The following TMPRSS15 variants were observed in gnomAD, a reference collection of about 807,000 sequenced individuals.
The protein encoded by TMPRSS15 is enteropeptidase.
A neutral mutation model predicts 125.3 loss-of-function variants in TMPRSS15; 128 were observed. The observed-to-expected ratio is 1.02, with a 90% confidence interval of 0.89 to 1.18. The LOEUF is 1.18. TMPRSS15 is among the 50% of genes most tolerant of loss of function. The pLI is 0.00. For missense variants in TMPRSS15, 1,283 were observed against 1,212.7 expected (o/e 1.06, Z -0.86); for synonymous variants, 446 against 423.2 (o/e 1.05, Z -0.66).
At position 18,294,258 on chromosome 21, in the gene TMPRSS15, C is replaced by T; in HGVS notation, c.2486+12G>A. ...ACCTAGTTTGGGAAGGGACACTTGA[C>T]ATCACACTCACCCATACACGCAGTG... On this transcript the variant is annotated intron_variant, in intron 21 of 24. Transcript: ENST00000284885. The T allele has an allele frequency of 3.1e-6, 5 of 1,613,996 alleles. No individual in the cohort carries two copies. The highest frequency in any genetic ancestry group is 4.2e-6 in the Non-Finnish European group (5 of 1,180,048).
intron 1 of TMPRSS15, among the ~76,000 whole-genome samples, chr21:18,457,022 G>T (rs1319638741): frequency 3.9e-5 from 6 of 152,030 alleles, no homozygotes; most frequent in African/African-American, 1.4e-4. Flanking sequence ...TCTGTTATTA[G>T]ACAGAGAGAC....
rs2074529405 is a variant in TMPRSS15 at position 18,269,599 on chromosome 21, CT to C, written c.*369del. ...TACTTTGGGAAAAACAATTTATTTT[CT>C]TTCTTTTTTAAATTCTGCTCAAATT... On this transcript the variant is annotated 3_prime_UTR_variant, in exon 25 of 25. Coordinates refer to ENST00000284885, the MANE Select transcript of TMPRSS15 (RefSeq NM_002772.3). 2 of 159,708 alleles carry C rather than the reference CT, an allele frequency of 1.3e-5. No homozygotes were observed. Among genetic ancestry groups the C allele is most frequent in the South Asian group, 3.5e-4 (2 of 5,756 alleles). 9.9% of individuals were successfully genotyped at this position (159,708 alleles called of 1,614,324 possible). A position where few individuals can be genotyped will look rare whatever the true frequency, so the allele number is the denominator to read the frequency against.
chr21:18,468,040 A>C (rs1978702720), intron 1 of TMPRSS15, among the ~76,000 whole-genome samples: 1 of 152,144 alleles, frequency 6.6e-6, no homozygotes, highest in Non-Finnish European at 1.5e-5. Context: ...TGAAAAGACC[A>C]TATTTACATA....
chr21:18,384,657 A>C (rs1450681161), intron 3 of TMPRSS15, among the ~76,000 whole-genome samples: 3 of 152,144 alleles, frequency 2.0e-5, no homozygotes, highest in Non-Finnish European at 4.4e-5. Flanking sequence ...TTGGGAGACA[A>C]ACTATAGCTC....
At chr21:18,382,855 T>C (rs545791282) in intron 4 of TMPRSS15, among the ~76,000 whole-genome samples, 1 of 152,326 alleles carries the variant, frequency 6.6e-6, no homozygotes, top group South Asian at 2.1e-4. Flanking sequence ...ATAATTAGAA[T>C]GGAAAATTTG....
chr21:18,406,292 T>A (rs1462373189), upstream of TMPRSS15, among the ~76,000 whole-genome samples: 2 of 152,158 alleles, frequency 1.3e-5, no homozygotes, highest in Non-Finnish European at 2.9e-5. Context: ...AAAGCCATGC[T>A]CATTGGTTGA....
chr21:18,467,986 T>C (rs1568735605), intron 1 of TMPRSS15, among the ~76,000 whole-genome samples: 1 of 151,854 alleles, frequency 6.6e-6, no homozygotes, highest in South Asian at 2.1e-4. Context: ...AGAGAGACAG[T>C]GGAGGTAAAG....
chr21:18,300,334 C>A (rs1601297054), intron 18 of TMPRSS15, among the ~76,000 whole-genome samples: 1 of 138,842 alleles, frequency 7.2e-6, no homozygotes, highest in East Asian at 2.1e-4. Flanking sequence ...TTCCTTCTTG[C>A]CTTCCTGCCT....
At chr21:18,383,805 GAA>G (rs1320151843) in intron 3 of TMPRSS15, 27 bp from the exon 4 acceptor site, 1 of 1,607,926 alleles carries the variant, frequency 6.2e-7, no homozygotes, top group Non-Finnish European at 8.5e-7. Flanking sequence ...GATATAAGAG[GAA>G]AAAGTCAGCC....
At chr21:18,350,862 C>G (rs2147002305) in intron 10 of TMPRSS15, among the ~76,000 whole-genome samples, 1 of 151,830 alleles carries the variant, frequency 6.6e-6, no homozygotes, top group South Asian at 2.1e-4. Context: ...TTCTGAATGA[C>G]TTGAATAAGG....
At position 18,295,598 on chromosome 21, in the gene TMPRSS15, A is replaced by G. The variant is rs7280630; in HGVS notation, c.2262-946T>C. ...TCTAATCAAAGCAATTCAGTGTTTC[A>G]GGAAAATATATGATAAAGTTTATTT... On this transcript the variant is annotated intron_variant, in intron 19 of 24. Coordinates refer to ENST00000284885, the MANE Select transcript of TMPRSS15 (RefSeq NM_002772.3). Among the ~76,000 whole-genome samples the G allele has an allele frequency of 6.2e-3, 946 of 152,344 alleles. 8 individuals are homozygous for G. The highest frequency in any genetic ancestry group is 0.021 in the African/African-American group (878 of 41,572).
rs147272839 is a variant in TMPRSS15, at chr21:18,284,977, G to T, written c.2487-3756C>A. ...ATTTGTGCCATTGCACTCCAGCCTGGGTGACAAGAGCAAAACTCTGCCCAA... is the reference window on the plus strand; with the variant it reads ...ATTTGTGCCATTGCACTCCAGCCTGTGTGACAAGAGCAAAACTCTGCCCAA... On this transcript the variant is annotated intron_variant, in intron 21 of 24. Transcript: ENST00000284885. Among the ~76,000 whole-genome samples the T allele has an allele frequency of 3.3e-5, 5 of 150,002 alleles. No homozygotes were observed. In the East Asian group the frequency reaches 9.9e-4, roughly 30 times the overall value.
chr21:18,465,571 T>C (rs1055672126), intron 1 of TMPRSS15, among the ~76,000 whole-genome samples: 1 of 152,174 alleles, frequency 6.6e-6, no homozygotes, highest in Non-Finnish European at 1.5e-5. Flanking sequence ...AGTCTCAGGA[T>C]ACAAAATCTA....
intron 3 of TMPRSS15, among the ~76,000 whole-genome samples, chr21:18,394,275 G>A (rs2076014393): frequency 6.6e-6 from 1 of 151,854 alleles, no homozygotes; most frequent in Admixed American, 6.6e-5. Context: ...AGAATTTTAG[G>A]GATATTAACC....
chr21:18,276,755 C>CTTT (rs372920414), intron 23 of TMPRSS15, among the ~76,000 whole-genome samples: 28 of 121,334 alleles, frequency 2.3e-4, no homozygotes, highest in East Asian at 5.1e-4. Context: ...AACTGGGATT[C>CTTT]TTTTTTTTTT....
intron 3 of TMPRSS15, 118 bp from the exon 4 acceptor site, chr21:18,383,896 A>G (rs2075917832): frequency 8.2e-7 from 1 of 1,216,854 alleles, no homozygotes; most frequent in African/African-American, 1.5e-5. Flanking sequence ...AATTCTCATT[A>G]TACCTGTGTA....
At chr21:18,283,690 T>C (rs1409675966) in intron 21 of TMPRSS15, among the ~76,000 whole-genome samples, 2 of 152,150 alleles carry the variant, frequency 1.3e-5, no homozygotes, top group African/African-American at 4.8e-5. Flanking sequence ...AGGTGTTTTA[T>C]ACATATTTTA....
At chr21:18,355,985 T>G (rs761799734) in intron 8 of TMPRSS15, among the ~76,000 whole-genome samples, 6 of 151,808 alleles carry the variant, frequency 4.0e-5, no homozygotes, top group Non-Finnish European at 8.9e-5. Flanking sequence ...AGAAAACAAT[T>G]ACCTAATATC....
chr21:18,393,780 C>T lies in TMPRSS15; in HGVS notation c.344+4099G>A, dbSNP rs186654048. 1.2e-3 allele frequency among the ~76,000 whole-genome samples: 187 copies of T among 152,262 alleles called. 1 individual carries two copies. The highest frequency in any genetic ancestry group is 4.3e-3 in the African/African-American group (179 of 41,562). ...ATTAATGTCTGTTATAAATTAGTCA[C>T]TTAACCCAAAGGTGCCCTTTGTAAG... On this transcript the variant is annotated intron_variant, in intron 3 of 24. Transcript: ENST00000284885.
Sources: allele counts gnomAD v4.1 joint callset (sites outside exome capture counted in the v4.1 genomes callset), GRCh38; gene constraint gnomAD v4.1.1; transcripts MANE v1.5; gene names NCBI Gene and HGNC (gene_info 2026-07-23, HGNC 2026-07-21).